Variants in POLRMT observed in about 807,000 individuals in gnomAD.
POLRMT encodes RNA polymerase mitochondrial.
A neutral mutation model predicts 132.2 loss-of-function variants in POLRMT; 114 were observed. That is an observed-to-expected ratio of 0.86 (90% confidence interval 0.74 to 1.01). POLRMT has a LOEUF of 1.01. POLRMT is among the 50% of genes least tolerant of loss of function. The probability of loss-of-function intolerance (pLI) is 0.00; values close to 1 mark genes in which losing one functional copy is unlikely to be tolerated. For synonymous variants in POLRMT, 1,020 were observed against 773.4 expected, an observed-to-expected ratio of 1.32 and a Z score of -5.29; for missense variants, 2,003 against 1,729.1, an observed-to-expected ratio of 1.16 and a Z score of -2.81.
intron 3 of POLRMT, among the ~76,000 whole-genome samples, chr19:627,802 G>A (rs1028151911): frequency 2.6e-5 from 4 of 151,624 alleles, no homozygotes; most frequent in Non-Finnish European, 4.4e-5. Context: ...GTGAGTCCCT[G>A]TAATCCCAGC....
chr19:619,389 T>A, intron 13 of POLRMT, 93 bp from the exon 14 acceptor site: 1 of 1,464,972 alleles, frequency 6.8e-7, no homozygotes, highest in Non-Finnish European at 9.5e-7. Context: ...GCCCAAGGCC[T>A]AGGGCCTAGC....
Position 621,166 on chromosome 19 carries a change from G to A in POLRMT, c.2532C>T (p.His844=), listed in dbSNP as rs146742650. The A allele has an allele frequency of 1.7e-4, 276 of 1,610,814 alleles. No homozygotes were observed. The highest frequency in any genetic ancestry group is 5.8e-4 in the Admixed American group (35 of 59,918). ...GPHGLDWLKI[H]LVNLTGLKKR... ...TCTTCAACCCCGTGAGATTGACCAG[G>A]TGGATCTTGAGCCAATCCAGGCCGT... is the stretch of plus-strand genomic sequence containing the variant. Residue 844 remains histidine (H), a synonymous_variant, in exon 10 of 21, where the codon CAC becomes CAT. Transcript: ENST00000588649.
chr19:621,172 C>T lies in POLRMT; in HGVS notation c.2526G>A (p.Lys842=), dbSNP rs372999841. Residue 842 remains lysine, a synonymous_variant, in exon 10 of 21, where the codon AAG becomes AAA. Transcript: ENST00000588649. ...ACCCCGTGAGATTGACCAGGTGGAT[C>T]TTGAGCCAATCCAGGCCGTGCGGGC... ...PLGPHGLDWL[K]IHLVNLTGLK... 8 of 1,610,732 alleles carry T rather than the reference C, an allele frequency of 5.0e-6. No individual in the cohort carries two copies. The highest frequency in any genetic ancestry group is 2.2e-5 in the East Asian group (1 of 44,772).
At chr19:629,442 T>G in intron 3 of POLRMT, 98 bp downstream of exon 3, 1 of 1,213,654 alleles carries the variant, frequency 8.2e-7, no homozygotes, top group Non-Finnish European at 1.1e-6. Flanking sequence ...ACAAAGGACT[T>G]GAACCTGGGG....
intron 12 of POLRMT, 33 bp from the exon 13 acceptor site, chr19:619,798 G>A: frequency 6.4e-7 from 1 of 1,550,832 alleles, no homozygotes; most frequent in Non-Finnish European, 8.7e-7. Context: ...GCGCGGGTCA[G>A]CCCCGCTAGC....
At chr19:626,857 G>C (rs557787452) in intron 3 of POLRMT, among the ~76,000 whole-genome samples, 1 of 148,096 alleles carries the variant, frequency 6.8e-6, no homozygotes, top group South Asian at 2.1e-4. Context: ...CTTTGCTGTC[G>C]ACAGACTTGG....
At chr19:623,220 C>A (rs375298342) in intron 6 of POLRMT, among the ~76,000 whole-genome samples, 9 of 152,256 alleles carry the variant, frequency 5.9e-5, no homozygotes, top group Non-Finnish European at 1.2e-4. Flanking sequence ...GACCCAACCT[C>A]GGGACCCCAC....
At position 629,706 on chromosome 19, in the gene POLRMT, A is replaced by G. The variant is rs1405771377; in HGVS notation, c.656T>C (p.Leu219Pro). The change falls in exon 3 of 21, where the codon CTC becomes CCC. Residue 219 changes from leucine (L) to proline (P), a missense_variant. By Grantham distance (98) the Leu-to-Pro change is moderately conservative. Transcript: ENST00000588649. ...APSGQHSQAQ[L>P]SGQQQRLLAF... is the part of the protein sequence containing the mutation. ...CAGGAGCCTCTGCTGCTGACCTGAG[A>G]GCTGGGCCTGCGAGTGCTGCCCCGA... 1 of 1,600,374 alleles carries G rather than the reference A, an allele frequency of 6.2e-7. No homozygotes were observed. Among genetic ancestry groups the G allele is most frequent in the Non-Finnish European group, 8.5e-7 (1 of 1,174,180 alleles).
Position 619,085 on chromosome 19 carries a change from A to C in POLRMT, c.3179T>G (p.Leu1060Arg). The C allele has an allele frequency of 1.2e-6, 2 of 1,610,518 alleles. No homozygotes were observed. The highest frequency in any genetic ancestry group is 1.7e-6 in the Non-Finnish European group (2 of 1,179,016). Reference sequence around the variant, plus strand: ...CACCACAGAGCCCATGTGGGAGATGAGGCGGGCACTCTCGGTCAGCCAGTG... The same window carrying C: ...CACCACAGAGCCCATGTGGGAGATGCGGCGGGCACTCTCGGTCAGCCAGTG... Reference protein sequence around the residue: ...IQHWLTESARLISHMGSVVEW... With the variant: ...IQHWLTESARRISHMGSVVEW... Residue 1060 changes from leucine to arginine, a missense_variant, in exon 15 of 21, where the codon CTC becomes CGC. By Grantham distance (102) the Leu-to-Arg change is moderately radical. Coordinates refer to ENST00000588649, the MANE Select transcript of POLRMT (RefSeq NM_005035.4).
chr19:618,499 C>T lies in POLRMT; in HGVS notation c.3411G>A (p.Leu1137=). Residue 1137 remains leucine (L), a synonymous_variant, in exon 17 of 21, where the codon CTG becomes CTA. Coordinates refer to ENST00000588649, the MANE Select transcript of POLRMT (RefSeq NM_005035.4). ...LDSSHMMLTA[L]HCYRKGLTFV... ...CCGGAGACGCCCACCTGTAGCAGTG[C>T]AGGGCGGTGAGCATCATGTGGGAGG... is the stretch of plus-strand genomic sequence containing the variant. The T allele has an allele frequency of 6.2e-7, 1 of 1,610,524 alleles. No individual in the cohort carries two copies. The highest frequency in any genetic ancestry group is 8.5e-7 in the Non-Finnish European group (1 of 1,177,568).
chr19:625,877 A>G (rs1251801659), intron 3 of POLRMT, among the ~76,000 whole-genome samples: 3 of 151,014 alleles, frequency 2.0e-5, no homozygotes, highest in Non-Finnish European at 3.0e-5. Flanking sequence ...AATTTTTTGT[A>G]TTCTTAGCAG....
At chr19:633,046 A>G (rs1287096862) in intron 1 of POLRMT, 108 bp from the exon 2 acceptor site, 2 of 766,418 alleles carry the variant, frequency 2.6e-6, no homozygotes, top group Non-Finnish European at 3.9e-6. Context: ...AACGCAGCGG[A>G]AACTCTCGGA....
chr19:632,445 T>G (rs1473380862), intron 2 of POLRMT, among the ~76,000 whole-genome samples: 1 of 151,672 alleles, frequency 6.6e-6, no homozygotes, highest in Non-Finnish European at 1.5e-5. Flanking sequence ...CAGTCTCCAT[T>G]AGGCGCCTAC....
In POLRMT at chr19:623,617, G is replaced by A. The variant is rs377572880; in HGVS notation, c.1141-14C>T. 3.7e-5 allele frequency: 60 copies of A among 1,612,306 alleles called. 1 individual carries two copies. In the African/African-American group the frequency reaches 7.5e-4, roughly 20 times the overall value. ...CACACGCCCATCCTGCAGGGATGGG[G>A]GTAGTGAGGTTGGGGGCTTGCCAGA... On this transcript the variant is annotated splice_polypyrimidine_tract_variant and intron_variant, in intron 5 of 20. Coordinates refer to ENST00000588649, the MANE Select transcript of POLRMT (RefSeq NM_005035.4).
intron 6 of POLRMT, 125 bp from the exon 7 acceptor site, chr19:623,110 G>C (rs1216455753): frequency 8.0e-7 from 1 of 1,246,030 alleles, no homozygotes; most frequent in East Asian, 2.5e-5. Context: ...TGTGTGTTCC[G>C]GGTAGCTCCT....
intron 2 of POLRMT, 129 bp downstream of exon 2, chr19:632,705 T>G: frequency 1.4e-6 from 1 of 706,658 alleles, no homozygotes; most frequent in Admixed American, 3.1e-5. Flanking sequence ...CAACGCCGTC[T>G]GGGCGTGTCC....
At chr19:618,387 G>C (rs1206247237) in intron 17 of POLRMT, 101 bp downstream of exon 17, 5 of 915,466 alleles carry the variant, frequency 5.5e-6, no homozygotes, top group Non-Finnish European at 8.3e-6. Flanking sequence ...ACTCTGCCCA[G>C]TCCCTGCCCC....
rs779233205 is a variant in POLRMT at position 619,970 on chromosome 19, G to A, written c.2874C>T (p.Gly958=). 1.1e-5 allele frequency: 18 copies of A among 1,600,638 alleles called. No homozygotes were observed. The African/African-American group carries it at 1.9e-4, about 17-fold the overall frequency. ...GGGCACACCCTACCTGCGCGGCCAC[G>A]CCGCTGTACACGTCCTGCGGCACAT... ...PSDVPQDVYS[G]VAAQVEVFRR... is the part of the protein sequence containing the mutation. The change falls in exon 12 of 21, where the codon GGC becomes GGT. Residue 958 remains glycine, a synonymous_variant. Coordinates refer to ENST00000588649, the MANE Select transcript of POLRMT (RefSeq NM_005035.4).
chr19:630,543 C>T (rs1985339989), intron 2 of POLRMT, among the ~76,000 whole-genome samples: 1 of 152,186 alleles, frequency 6.6e-6, no homozygotes, highest in Non-Finnish European at 1.5e-5. Flanking sequence ...GGCTTGCCTC[C>T]AGAATCTATC....
Sources: allele counts gnomAD v4.1 joint callset (sites outside exome capture counted in the v4.1 genomes callset), GRCh38; gene constraint gnomAD v4.1.1; transcripts MANE v1.5; gene names NCBI Gene and HGNC (gene_info 2026-07-23, HGNC 2026-07-21).